The following MAST4 variants were observed in gnomAD, a reference collection of about 807,000 sequenced individuals.
The protein encoded by MAST4 is microtubule-associated serine/threonine-protein kinase 4.
Under a neutral mutation model 162.7 loss-of-function variants are expected in MAST4, and 89 were observed. That is an observed-to-expected ratio of 0.55 (90% CI 0.46 to 0.65). The LOEUF (loss-of-function observed/expected upper bound fraction) is 0.65. MAST4 is among the 30% of genes least tolerant of loss of function. The pLI is 0.00. For missense variants in MAST4, 3,153 were observed against 3,374.0 expected, an observed-to-expected ratio of 0.93 and a Z score of 1.62; for synonymous variants, 1,479 against 1,361.1, an observed-to-expected ratio of 1.09 and a Z score of -1.91.
chr5:66,641,889 A>G (rs1745509947), intron 1 of MAST4, among the ~76,000 whole-genome samples: 1 of 152,234 alleles, frequency 6.6e-6, no homozygotes, highest in East Asian at 1.9e-4. Context: ...TGAAAATGAT[A>G]AATAGGAAAA....
chr5:66,959,229 G>A (rs1226645700), intron 4 of MAST4: 2 of 779,534 alleles, frequency 2.6e-6, no homozygotes, highest in African/African-American at 1.7e-5. Context: ...ACAATAGAGT[G>A]TGCTAACATA....
chr5:66,708,070 T>A (rs1750250916), intron 1 of MAST4, among the ~76,000 whole-genome samples: 1 of 152,162 alleles, frequency 6.6e-6, no homozygotes, highest in Non-Finnish European at 1.5e-5. Flanking sequence ...AAGACTGAAA[T>A]TCAAAATAAT....
chr5:67,029,362 CCTTATA>C (rs1161130159), intron 4 of MAST4, among the ~76,000 whole-genome samples: 1 of 152,090 alleles, frequency 6.6e-6, no homozygotes, highest in African/African-American at 2.4e-5. Flanking sequence ...ATAGAGCCAT[CCTTATA>C]CTTATGTTTC....
At chr5:66,781,012 A>C (rs1754847979) in intron 2 of MAST4, among the ~76,000 whole-genome samples, 1 of 152,180 alleles carries the variant, frequency 6.6e-6, no homozygotes, top group Non-Finnish European at 1.5e-5. Flanking sequence ...CATGTCTCCA[A>C]GGTTCCTCCA....
At chr5:66,677,302 A>T (rs934761339) in intron 1 of MAST4, among the ~76,000 whole-genome samples, 2 of 152,178 alleles carry the variant, frequency 1.3e-5, no homozygotes, top group African/African-American at 4.8e-5. Context: ...TACAACGGCA[A>T]TCACCAGAAA....
intron 25 of MAST4, 24 bp from the exon 26 acceptor site, chr5:67,153,434 A>G (rs1772088891): frequency 6.3e-7 from 1 of 1,594,422 alleles, no homozygotes; most frequent in African/African-American, 1.3e-5. Context: ...TTGCCTACAA[A>G]TATCCTCTCC....
At chr5:66,809,804 C>T (rs924247284) in intron 3 of MAST4, among the ~76,000 whole-genome samples, 2 of 152,060 alleles carry the variant, frequency 1.3e-5, no homozygotes, top group Non-Finnish European at 1.5e-5. Flanking sequence ...GGTGCAATAT[C>T]GACTCACTGC....
chr5:67,009,507 C>T (rs969360928), intron 4 of MAST4, among the ~76,000 whole-genome samples: 6 of 152,158 alleles, frequency 3.9e-5, no homozygotes, highest in African/African-American at 1.4e-4. Context: ...GTTATGTTAA[C>T]TTTGGACTTC....
At chr5:67,154,697 T>C (rs1054349579) in intron 26 of MAST4, among the ~76,000 whole-genome samples, 4 of 152,190 alleles carry the variant, frequency 2.6e-5, no homozygotes, top group African/African-American at 9.7e-5. Context: ...GGAGAGCCAT[T>C]GGCACCCTTT....
chr5:66,837,894 ATTTTTTTT>A lies in MAST4; in HGVS notation c.642+49116_642+49123del, dbSNP rs754095073. ...TATATATATATATATATATATATATATTTTTTTTTTTTTTTTTTTTTTTAATGTGGAGG... is the reference window on the plus strand; with the variant it reads ...TATATATATATATATATATATATATATTTTTTTTTTTTTTTAATGTGGAGG... On this transcript the variant is annotated intron_variant, in intron 3 of 28. Coordinates refer to ENST00000403625, the MANE Select transcript of MAST4 (RefSeq NM_001164664.2). 8.7e-3 allele frequency among the ~76,000 whole-genome samples: 465 copies of A among 53,612 alleles called. 2 individuals are homozygous for A. Among genetic ancestry groups the A allele is most frequent in the East Asian group, 0.016 (20 of 1,238 alleles). The allele number at this position is 53,612 out of a possible 152,430, so 35.2% of individuals were successfully genotyped here.
chr5:67,165,136 C>G lies in MAST4; in HGVS notation c.5957C>G (p.Ser1986Cys). Reference sequence around the variant, plus strand: ...CCTCCCACAGCCAGAAGCGAGCGCTCTGCTGCGAGGGCTGACACATGCAGA... The same window carrying G: ...CCTCCCACAGCCAGAAGCGAGCGCTGTGCTGCGAGGGCTGACACATGCAGA... ...RGPPTARSER[S>C]AARADTCREP... The change falls in exon 29 of 29, where the codon TCT becomes TGT. Residue 1986 changes from serine (S) to cysteine (C), a missense_variant. Physicochemically the swap from Ser to Cys is moderately radical, Grantham distance 112 (BLOSUM62 -1). Transcript: ENST00000403625. 6.3e-7 allele frequency: 1 copy of G among 1,590,798 alleles called. No individual in the cohort carries two copies. The highest frequency in any genetic ancestry group is 8.6e-7 in the Non-Finnish European group (1 of 1,168,474).
intron 3 of MAST4, among the ~76,000 whole-genome samples, chr5:66,795,776 G>T (rs1245938462): frequency 6.6e-6 from 1 of 152,070 alleles, no homozygotes; most frequent in Non-Finnish European, 1.5e-5. Flanking sequence ...ATTGCTCTTG[G>T]GATACAGGAA....
intron 4 of MAST4, among the ~76,000 whole-genome samples, chr5:67,041,286 A>G (rs1194867003): frequency 1.3e-5 from 2 of 152,064 alleles, no homozygotes; most frequent in East Asian, 3.9e-4. Context: ...GGATACTTTG[A>G]ACTTGTGGTT....
chr5:67,136,785 A>C lies in MAST4; in HGVS notation c.2494+121A>C, dbSNP rs1769704870. The C allele has an allele frequency of 1.0e-5, 7 of 695,812 alleles. No homozygotes were observed. In the Middle Eastern group the frequency reaches 1.0e-3, roughly 100 times the overall value. The allele number at this position is 695,812 out of a possible 1,614,324, so 43.1% of individuals were successfully genotyped here. A position where few individuals can be genotyped will look rare whatever the true frequency, so the allele number is the denominator to read the frequency against. On this transcript the variant is annotated intron_variant, in intron 19 of 28. Transcript: ENST00000403625. ...GGCAACATCTGTTAGTTGATGTAGA[A>C]CATGACTGCAACACATTATAGCAAT...
At chr5:66,925,049 C>T (rs905873425) in intron 4 of MAST4, among the ~76,000 whole-genome samples, 1 of 152,106 alleles carries the variant, frequency 6.6e-6, no homozygotes, top group Non-Finnish European at 1.5e-5. Flanking sequence ...ATAATCTAAC[C>T]ATGTAGGATA....
intron 1 of MAST4, among the ~76,000 whole-genome samples, chr5:66,608,399 A>T (rs1309240078): frequency 3.3e-5 from 4 of 121,780 alleles, no homozygotes; most frequent in Non-Finnish European, 6.4e-5. Context: ...TGGCGAGAAC[A>T]TTAAGGTCTA....
chr5:66,660,683 G>C (rs1746849028), intron 1 of MAST4, among the ~76,000 whole-genome samples: 1 of 152,192 alleles, frequency 6.6e-6, no homozygotes, highest in Non-Finnish European at 1.5e-5. Context: ...CAAGTCAGTA[G>C]TTTTTGTAAG....
chr5:66,703,336 G>A (rs1268763759), intron 1 of MAST4, among the ~76,000 whole-genome samples: 1 of 152,200 alleles, frequency 6.6e-6, no homozygotes, highest in Non-Finnish European at 1.5e-5. Flanking sequence ...CCTTTACCAA[G>A]TCATGTAAAA....
At chr5:67,043,873 C>T (rs961886460) in intron 4 of MAST4, among the ~76,000 whole-genome samples, 1 of 152,164 alleles carries the variant, frequency 6.6e-6, no homozygotes, top group Non-Finnish European at 1.5e-5. Context: ...CTAATAATAA[C>T]TGACCTATGG....
Sources: gnomAD v4.1 joint callset for allele counts (sites outside exome capture counted in the v4.1 genomes callset) on GRCh38, gnomAD v4.1.1 for gene constraint, MANE v1.5 for transcripts, NCBI Gene and HGNC (gene_info 2026-07-23, HGNC 2026-07-21) for gene names.